Variants in RASGRF2 observed in about 807,000 individuals in gnomAD.
The protein encoded by RASGRF2 is ras-specific guanine nucleotide-releasing factor 2.
RASGRF2 carries 76 observed loss-of-function variants against 151.0 expected under a neutral mutation model. That is an observed-to-expected ratio of 0.50 (90% CI 0.42 to 0.61). RASGRF2 has a LOEUF of 0.61. Ranked by LOEUF, RASGRF2 falls within the 20% of genes least tolerant of loss-of-function variation. The probability of loss-of-function intolerance (pLI) is 0.00; values close to 1 mark genes in which losing one functional copy is unlikely to be tolerated. For synonymous variants in RASGRF2, 504 were observed against 566.5 expected (o/e 0.89, Z 1.57); for missense variants, 1,148 against 1,564.6 (o/e 0.73, Z 4.49).
chr5:81,032,759 C>G (rs561881532), intron 1 of RASGRF2, among the ~76,000 whole-genome samples: 80 of 152,262 alleles, frequency 5.3e-4, no homozygotes, highest in South Asian at 8.3e-4. Flanking sequence ...CCCTCTCTCA[C>G]CACTCCTATT....
chr5:81,206,738 C>A, intron 19 of RASGRF2, 107 bp from the exon 20 acceptor site: 1 of 909,406 alleles, frequency 1.1e-6, no homozygotes, highest in South Asian at 1.4e-5. Flanking sequence ...CCTTGTAGAC[C>A]CAAATCCTCA....
At chr5:81,043,953 G>A (rs901607826) in intron 2 of RASGRF2, among the ~76,000 whole-genome samples, 2 of 152,158 alleles carry the variant, frequency 1.3e-5, no homozygotes, top group African/African-American at 4.8e-5. Context: ...TAGCAATTCT[G>A]GTTATCATTA....
chr5:81,000,881 G>A (rs191631991), intron 1 of RASGRF2, among the ~76,000 whole-genome samples: 15 of 152,346 alleles, frequency 9.8e-5, no homozygotes, highest in African/African-American at 3.6e-4. Flanking sequence ...GCAGCTAGCT[G>A]CTGAATCTAG....
intron 1 of RASGRF2, among the ~76,000 whole-genome samples, chr5:81,000,812 A>C (rs541353489): frequency 5.3e-5 from 8 of 152,296 alleles, no homozygotes; most frequent in African/African-American, 9.6e-5. Flanking sequence ...GGCTCTGTTC[A>C]ATCTGGATTT....
chr5:81,070,359 G>T (rs1332032190), intron 3 of RASGRF2, 133 bp from the exon 4 acceptor site: 1 of 696,904 alleles, frequency 1.4e-6, no homozygotes, highest in East Asian at 2.6e-5. Context: ...AGCACCAAAG[G>T]AAGAGAGTGT....
At chr5:81,073,102 T>C (rs1751828422) in intron 4 of RASGRF2, 97 bp from the exon 5 acceptor site, 3 of 1,406,262 alleles carry the variant, frequency 2.1e-6, no homozygotes, top group Non-Finnish European at 2.9e-6. Context: ...TATCATGTTT[T>C]CTGCAAAATT....
At position 81,113,869 on chromosome 5, in the gene RASGRF2, G is replaced by A. The variant is rs751344080; in HGVS notation, c.2419G>A (p.Asp807Asn). 3.7e-6 allele frequency: 6 copies of A among 1,614,146 alleles called. No homozygotes were observed. In the South Asian group the frequency reaches 4.4e-5, roughly 12 times the overall value. ...QSPGTVEENV[D>N]NPRVDLCNKL... ...CCCGGGAACGGTAGAAGAGAATGTC[G>A]ATAACCCACGCGTGGATCTGTGTAA... Residue 807 changes from aspartate to asparagine, a missense_variant, in exon 15 of 27, where the codon GAT becomes AAT. Asp to Asn is a conservative substitution (Grantham distance 23). Coordinates refer to ENST00000265080, the MANE Select transcript of RASGRF2 (RefSeq NM_006909.3).
intron 17 of RASGRF2, among the ~76,000 whole-genome samples, chr5:81,174,294 T>C (rs1754724050): frequency 6.6e-6 from 1 of 152,212 alleles, no homozygotes; most frequent in South Asian, 2.1e-4. Flanking sequence ...GGAGAATGTG[T>C]CATTAATATG....
At position 81,108,593 on chromosome 5, in the gene RASGRF2, C is replaced by T. The variant is rs1039523510; in HGVS notation, c.1756-403C>T. 5.3e-5 allele frequency among the ~76,000 whole-genome samples: 8 copies of T among 152,200 alleles called. 1 individual carries two copies. The South Asian group carries it at 1.7e-3, about 32-fold the overall frequency. On this transcript the variant is annotated intron_variant, in intron 12 of 26. Transcript: ENST00000265080. ...CAATCTGACTACTCTACACCACCCC[C>T]TGGTTGCAGAAAATGAATATAGCAA...
chr5:81,059,523 C>T (rs1055565218), intron 2 of RASGRF2, among the ~76,000 whole-genome samples: 10 of 151,784 alleles, frequency 6.6e-5, no homozygotes, highest in Non-Finnish European at 1.3e-4. Flanking sequence ...TTTCTTACTC[C>T]CTGTCTTAGG....
intron 17 of RASGRF2, among the ~76,000 whole-genome samples, chr5:81,164,932 G>A (rs1420102894): frequency 1.3e-5 from 2 of 152,188 alleles, no homozygotes; most frequent in African/African-American, 4.8e-5. Flanking sequence ...TTTCAACATT[G>A]AGCATTGAGC....
rs543110450 is a variant in RASGRF2 at position 81,083,575 on chromosome 5, T to C, written c.1162-2227T>C. Among the ~76,000 whole-genome samples the C allele has an allele frequency of 7.0e-4, 106 of 152,326 alleles. 1 individual carries two copies. Among genetic ancestry groups the C allele is most frequent in the Non-Finnish European group, 2.4e-4 (16 of 68,012 alleles). ...GATGATGCAGTAAAATTATCCCCAGTTGAACTATCAGAACAGTAAGTCCAA... is the reference window on the plus strand; with the variant it reads ...GATGATGCAGTAAAATTATCCCCAGCTGAACTATCAGAACAGTAAGTCCAA... On this transcript the variant is annotated intron_variant, in intron 7 of 26. Coordinates refer to ENST00000265080, the MANE Select transcript of RASGRF2 (RefSeq NM_006909.3).
chr5:81,182,072 C>T (rs1293759790), intron 18 of RASGRF2, among the ~76,000 whole-genome samples: 1 of 152,114 alleles, frequency 6.6e-6, no homozygotes, highest in Non-Finnish European at 1.5e-5. Context: ...ATTGTTTAGA[C>T]GGTTCAGCTG....
intron 5 of RASGRF2, among the ~76,000 whole-genome samples, chr5:81,078,990 G>A (rs978909610): frequency 6.6e-6 from 1 of 152,164 alleles, no homozygotes; most frequent in Non-Finnish European, 1.5e-5. Flanking sequence ...CCAGAAACTA[G>A]AATCCTAAAG....
intron 2 of RASGRF2, 32 bp downstream of exon 2, chr5:81,043,015 A>G: frequency 6.6e-7 from 1 of 1,523,262 alleles, no homozygotes; most frequent in Non-Finnish European, 9.0e-7. Flanking sequence ...GTAGTACTTG[A>G]TTGTCTGGGT....
At chr5:81,024,965 C>T (rs1178086704) in intron 1 of RASGRF2, among the ~76,000 whole-genome samples, 1 of 152,218 alleles carries the variant, frequency 6.6e-6, no homozygotes, top group African/African-American at 2.4e-5. Context: ...CTGGGCTGCT[C>T]TGACTTCTCC....
intron 17 of RASGRF2, among the ~76,000 whole-genome samples, chr5:81,169,733 C>T (rs923332536): frequency 2.0e-5 from 3 of 152,022 alleles, no homozygotes; most frequent in African/African-American, 7.3e-5. Context: ...TTGATCAGCA[C>T]ATCTTAGCCC....
intron 1 of RASGRF2, among the ~76,000 whole-genome samples, chr5:81,016,346 T>A (rs1034089435): frequency 1.3e-5 from 2 of 152,212 alleles, no homozygotes; most frequent in Non-Finnish European, 2.9e-5. Flanking sequence ...GCTCAGATTC[T>A]CAGATTCCTT....
chr5:81,148,470 A>T (rs1351430503), intron 17 of RASGRF2, among the ~76,000 whole-genome samples: 2 of 152,170 alleles, frequency 1.3e-5, no homozygotes, highest in Non-Finnish European at 2.9e-5. Flanking sequence ...CTCAGGGCAT[A>T]TTTGGATACT....
Sources: allele counts gnomAD v4.1 joint callset (sites outside exome capture counted in the v4.1 genomes callset), GRCh38; gene constraint gnomAD v4.1.1; transcripts MANE v1.5; gene names NCBI Gene and HGNC (gene_info 2026-07-23, HGNC 2026-07-21).